FANCB: variants seen among roughly 807,000 people sequenced by gnomAD.
FANCB encodes FA complementation group B, also known as Fanconi anemia group B protein.
FANCB carries 5 observed loss-of-function variants against 38.9 expected under a neutral mutation model. The observed-to-expected ratio is 0.13, with a 90% CI of 0.07 to 0.27. FANCB has a LOEUF of 0.27. Ranked by LOEUF, FANCB falls within the 10% of genes least tolerant of loss-of-function variation. The pLI, the probability that FANCB is intolerant of heterozygous loss-of-function variation, is 1.00. For synonymous variants in FANCB, 236 were observed against 215.4 expected (o/e 1.10, Z -0.84); for missense variants, 573 against 602.7 (o/e 0.95, Z 0.52).
the FANCB span, among the ~76,000 whole-genome samples, chrX:14,800,645 C>T: frequency 8.9e-6 from 1 of 111,736 alleles, no homozygotes; most frequent in Non-Finnish European, 1.9e-5. Flanking sequence ...CTGAAGTTTC[C>T]TCTTGTACGG....
the FANCB span, among the ~76,000 whole-genome samples, chrX:14,818,002 A>T: frequency 2.7e-5 from 3 of 111,331 alleles, no homozygotes; most frequent in Non-Finnish European, 5.6e-5. Flanking sequence ...ACGAGTACCA[A>T]ATTTAATATT....
chrX:14,806,413 A>C, the FANCB span, among the ~76,000 whole-genome samples: 3 of 111,934 alleles, frequency 2.7e-5, no homozygotes, highest in Non-Finnish European at 5.6e-5. Context: ...AATCTGTTCC[A>C]ATGGCACTTT....
At chrX:14,740,812 C>A in the FANCB span, among the ~76,000 whole-genome samples, 1 of 111,989 alleles carries the variant, frequency 8.9e-6, no homozygotes, top group Admixed American at 9.5e-5. Flanking sequence ...ATCAGAGAAG[C>A]CTTCTCTGAC....
chrX:14,700,515 T>C, the FANCB span, among the ~76,000 whole-genome samples: 2 of 111,138 alleles, frequency 1.8e-5, no homozygotes, highest in East Asian at 5.7e-4. Context: ...AAGAAACATA[T>C]TCAGGAAGAA....
chrX:14,697,871 T>A, the FANCB span, among the ~76,000 whole-genome samples: 1 of 112,379 alleles, frequency 8.9e-6, no homozygotes, highest in African/African-American at 3.2e-5. Flanking sequence ...TTGTATGATA[T>A]AAATCCGTTT....
At chrX:14,839,043 C>G (rs777266111), downstream of FANCB, among the ~76,000 whole-genome samples, 1 of 111,542 alleles carries the variant, frequency 9.0e-6, no homozygotes, top group South Asian at 3.8e-4. Context: ...GTAATCCCAG[C>G]ACTTTGGGAG....
intron 5 of FANCB, 92 bp from the exon 6 acceptor site, chrX:14,853,259 G>A: frequency 1.2e-6 from 1 of 810,659 alleles, no homozygotes; most frequent in Non-Finnish European, 1.8e-6. Context: ...CTCCAAATGT[G>A]CTTATCAATT....
chrX:14,792,692 G>C, the FANCB span, among the ~76,000 whole-genome samples: 1 of 111,560 alleles, frequency 9.0e-6, no homozygotes, highest in African/African-American at 3.3e-5. Flanking sequence ...GAAATGTAAA[G>C]AGTTGCCTTT....
At chrX:14,728,610 C>A in the FANCB span, among the ~76,000 whole-genome samples, 1 of 111,769 alleles carries the variant, frequency 8.9e-6, no homozygotes, top group Non-Finnish European at 1.9e-5. Context: ...TGCCAGGTTG[C>A]AATGGAATGT....
the FANCB span, among the ~76,000 whole-genome samples, chrX:14,708,575 G>A: frequency 8.9e-6 from 1 of 111,944 alleles, no homozygotes; most frequent in Non-Finnish European, 1.9e-5. Context: ...TGCCTTCAGA[G>A]TTCAAGCTGT....
the FANCB span, among the ~76,000 whole-genome samples, chrX:14,716,984 A>G: frequency 9.0e-6 from 1 of 110,515 alleles, no homozygotes; most frequent in African/African-American, 3.3e-5. Flanking sequence ...ACATATCTCA[A>G]AAATATGCCT....
chrX:14,747,146 G>A, the FANCB span, among the ~76,000 whole-genome samples: 199 of 111,980 alleles, frequency 1.8e-3, no homozygotes, highest in Non-Finnish European at 3.2e-3. Context: ...CCTCCAAAAT[G>A]GTATGTTGTG....
chrX:14,781,133 G>A, the FANCB span, among the ~76,000 whole-genome samples: 1 of 110,685 alleles, frequency 9.0e-6, no homozygotes, highest in Non-Finnish European at 1.9e-5. Context: ...TGAGAAACTG[G>A]TAGCATATGC....
chrX:14,870,768 T>A (rs746692971), intron 1 of FANCB, among the ~76,000 whole-genome samples: 2 of 111,707 alleles, frequency 1.8e-5, no homozygotes, highest in East Asian at 5.6e-4. Flanking sequence ...GACAATTCTT[T>A]AAATAAACTA....
the FANCB span, among the ~76,000 whole-genome samples, chrX:14,716,164 A>G: frequency 9.0e-6 from 1 of 111,120 alleles, no homozygotes; most frequent in Non-Finnish European, 1.9e-5. Context: ...GGGAAGAAAA[A>G]TCTTAAATAT....
the FANCB span, among the ~76,000 whole-genome samples, chrX:14,760,242 C>T: frequency 8.9e-6 from 1 of 112,378 alleles, no homozygotes; most frequent in African/African-American, 3.2e-5. Context: ...GAAATCTTGA[C>T]ATTTGCAACA....
At chrX:14,732,951 C>T in the FANCB span, among the ~76,000 whole-genome samples, 1 of 112,017 alleles carries the variant, frequency 8.9e-6, no homozygotes, top group Non-Finnish European at 1.9e-5. Context: ...GAAGTCTTTG[C>T]CCATGCCTAT....
chrX:14,721,798 A>T, the FANCB span, among the ~76,000 whole-genome samples: 1 of 111,343 alleles, frequency 9.0e-6, no homozygotes, highest in Non-Finnish European at 1.9e-5. Flanking sequence ...GTCCTCTCTC[A>T]GTTTGGTATC....
At chrX:14,835,133 C>T, downstream of FANCB, 1 of 538,394 alleles carries the variant, frequency 1.9e-6, no homozygotes. Flanking sequence ...TAATTCATTG[C>T]CTCTTCTTCA....
Sources: gnomAD v4.1 joint callset for allele counts (sites outside exome capture counted in the v4.1 genomes callset) on GRCh38, gnomAD v4.1.1 for gene constraint, MANE v1.5 for transcripts, NCBI Gene and HGNC (gene_info 2026-07-23, HGNC 2026-07-21) for gene names.